The following RGS12 variants were observed in gnomAD, a reference collection of about 807,000 sequenced individuals.
RGS12 encodes the protein regulator of G protein signaling 12, also known as regulator of G-protein signaling 12.
Under a neutral mutation model 120.1 loss-of-function variants are expected in RGS12, and 66 were observed. That is an observed-to-expected ratio of 0.55 (90% CI 0.45 to 0.67). The LOEUF is 0.67. Among genes scored for constraint, RGS12 ranks in the 30% least tolerant of loss-of-function variants. RGS12 has a pLI of 0.00. For missense variants in RGS12, 1,859 were observed against 1,957.7 expected (o/e 0.95, Z 0.95); for synonymous variants, 827 against 804.7 (o/e 1.03, Z -0.47).
intron 2 of RGS12, chr4:3,342,579 G>A: frequency 2.3e-6 from 3 of 1,309,112 alleles, no homozygotes; most frequent in Non-Finnish European, 3.0e-6. Context: ...TACTCTCAGT[G>A]TACTGTGTCC....
chr4:3,320,842 A>G (rs1725130839), intron 2 of RGS12, among the ~76,000 whole-genome samples: 1 of 152,122 alleles, frequency 6.6e-6, no homozygotes, highest in African/African-American at 2.4e-5. Context: ...GGTGGCCGTG[A>G]CCGTCCGCAG....
chr4:3,331,188 A>G (rs1336900136), intron 2 of RGS12, among the ~76,000 whole-genome samples: 1 of 152,202 alleles, frequency 6.6e-6, no homozygotes, highest in Non-Finnish European at 1.5e-5. Context: ...GTTTTGGTGT[A>G]AAAAATTCTA....
chr4:3,430,450 T>C lies in RGS12; in HGVS notation c.3609T>C (p.Asp1203=). The change falls in exon 17 of 18, where the codon GAT becomes GAC. Residue 1203 remains aspartate, a synonymous_variant. Transcript: ENST00000336727. The part of the protein sequence containing the change: ...LISKAQSNRA[D]DQRGLLRKED... ...CCAAAGCTCAGAGCAACAGAGCAGA[T>C]GACCAACGTGGGCTGCTAAGGAAGG... 6.2e-7 allele frequency: 1 copy of C among 1,613,878 alleles called. No homozygotes were observed. The highest frequency in any genetic ancestry group is 8.5e-7 in the Non-Finnish European group (1 of 1,179,984).
rs931286597 is a variant in RGS12, at chr4:3,374,374, C to T, written c.1999-12042C>T. ...AGGCCTAGGCTGGGCGGGGACCGGTCTCCTTCCGCCACCACCTTCCACGAC... is the reference window on the plus strand; with the variant it reads ...AGGCCTAGGCTGGGCGGGGACCGGTTTCCTTCCGCCACCACCTTCCACGAC... On this transcript the variant is annotated intron_variant, in intron 3 of 17. Coordinates refer to ENST00000336727, the MANE Select transcript of RGS12 (RefSeq NM_001394154.1). This position sits in a 1 kb window ranked among gnomAD's most constrained non-coding sequence, Gnocchi z 6.3. 6.6e-6 allele frequency among the ~76,000 whole-genome samples: 1 copy of T among 152,152 alleles called. No individual in the cohort carries two copies. The highest frequency in any genetic ancestry group is 2.4e-5 in the African/African-American group (1 of 41,440).
In RGS12 at chr4:3,439,754, C is replaced by T. The variant is rs897449066; in HGVS notation, c.*70C>T. Reference sequence around the variant, plus strand: ...GGCAGCCCAGGTGGATTCTGTGGGCCTCAGGGGGGCCACCCTGGCCACCAC... The same window carrying T: ...GGCAGCCCAGGTGGATTCTGTGGGCTTCAGGGGGGCCACCCTGGCCACCAC... On this transcript the variant is annotated 3_prime_UTR_variant, in exon 18 of 18. Transcript: ENST00000336727. 7.2e-7 allele frequency: 1 copy of T among 1,380,640 alleles called. No homozygotes were observed. The highest frequency in any genetic ancestry group is 9.6e-7 in the Non-Finnish European group (1 of 1,042,734). The allele number at this position is 1,380,640 out of a possible 1,614,324, so 85.5% of individuals were successfully genotyped here.
At chr4:3,363,849 C>T (rs973989560) in intron 3 of RGS12, among the ~76,000 whole-genome samples, 1 of 151,988 alleles carries the variant, frequency 6.6e-6, no homozygotes, top group African/African-American at 2.4e-5. Flanking sequence ...TACTAGAAAC[C>T]TGAGGGTGGC....
In RGS12 at chr4:3,430,779, C is replaced by T. The variant is rs766129149; in HGVS notation, c.3938C>T (p.Thr1313Ile). 8 of 1,611,308 alleles carry T rather than the reference C, an allele frequency of 5.0e-6. No homozygotes were observed. Among genetic ancestry groups the T allele is most frequent in the Non-Finnish European group, 6.8e-6 (8 of 1,179,180 alleles). Reference sequence around the variant, plus strand: ...CCCGTCTCCCTCGCGCAGGAGGGCACCGCCCAGATCTGGAAGAGGCAGTCT... The same window carrying T: ...CCCGTCTCCCTCGCGCAGGAGGGCATCGCCCAGATCTGGAAGAGGCAGTCT... ...QSPVSLAQEGTAQIWKRQSQE... is the reference protein window; with the variant it reads ...QSPVSLAQEGIAQIWKRQSQE... The change falls in exon 17 of 18, where the codon ACC (threonine) becomes ATC (isoleucine). Residue 1313 changes from threonine (T) to isoleucine (I), a missense_variant. By Grantham distance (89) the Thr-to-Ile change is moderately conservative (BLOSUM62 -1). Transcript: ENST00000336727.
intron 6 of RGS12, among the ~76,000 whole-genome samples, chr4:3,415,751 C>T (rs1489907076): frequency 2.0e-5 from 3 of 152,252 alleles, no homozygotes; most frequent in Admixed American, 6.5e-5. Flanking sequence ...GGGCTAGCAT[C>T]GCCCGGGTCT....
chr4:3,314,376 T>C (rs1431656379), intron 1 of RGS12: 2 of 152,186 alleles, frequency 1.3e-5, no homozygotes, highest in Non-Finnish European at 2.9e-5. Flanking sequence ...TATTAGAAGT[T>C]ATTAACTTTA....
Position 3,374,990 on chromosome 4 carries a change from C to T in RGS12, c.1999-11426C>T, listed in dbSNP as rs1184571861. On this transcript the variant is annotated intron_variant, in intron 3 of 17. Transcript: ENST00000336727. The surrounding 1 kb of genome is among the most constrained non-coding windows in gnomAD (Gnocchi z 6.3). ...AGATGCTTTGCCAAGTGAGTGGGAG[C>T]GTTCTCAGCTTGCGTTTGCCATGCA... is the stretch of plus-strand genomic sequence containing the variant. Among the ~76,000 whole-genome samples the T allele has an allele frequency of 1.3e-5, 2 of 152,142 alleles. No individual in the cohort carries two copies. The highest frequency in any genetic ancestry group is 3.9e-4 in the East Asian group (2 of 5,186).
In RGS12 at chr4:3,366,524, G is replaced by T. The variant is rs923392829; in HGVS notation, c.1999-19892G>T. Among the ~76,000 whole-genome samples, 1 of 152,188 alleles carries T rather than the reference G, an allele frequency of 6.6e-6. No individual in the cohort carries two copies. The highest frequency in any genetic ancestry group is 1.5e-5 in the Non-Finnish European group (1 of 68,032). ...GCACGCCCTCCTAGCTGAGAGTGAG[G>T]TGGTCCGGCCCCGTGAAGGAGGCAG... On this transcript the variant is annotated intron_variant, in intron 3 of 17. Transcript: ENST00000336727. This position sits in a 1 kb window ranked among gnomAD's most constrained non-coding sequence, Gnocchi z 4.0.
At chr4:3,407,549 A>G (rs1266960686) in intron 4 of RGS12, 1 of 152,308 alleles carries the variant, frequency 6.6e-6, no homozygotes, top group African/African-American at 2.4e-5. Context: ...GTGGCATCAC[A>G]GTGGCTCTTA....
intron 3 of RGS12, among the ~76,000 whole-genome samples, chr4:3,362,477 TGTGTATGTGAGG>T (rs1488938047): frequency 8.3e-6 from 1 of 120,166 alleles, no homozygotes; most frequent in African/African-American, 3.1e-5. Flanking sequence ...TGTGAGGGTG[TGTGTATGTGAGG>T]GTGTGTGTGA....
At chr4:3,370,962 C>A (rs995361226) in intron 3 of RGS12, among the ~76,000 whole-genome samples, 1 of 152,168 alleles carries the variant, frequency 6.6e-6, no homozygotes, top group Non-Finnish European at 1.5e-5. Context: ...TTAGTAATTA[C>A]TGGGCACTGA....
Position 3,428,286 on chromosome 4 carries a change from C to T in RGS12, c.3411+117C>T, listed in dbSNP as rs561353666. 9.1e-4 allele frequency: 896 copies of T among 989,246 alleles called. 15 individuals carry two copies. The South Asian group carries it at 9.5e-3, about 10-fold the overall frequency. 61.3% of individuals were successfully genotyped at this position (989,246 alleles called of 1,614,324 possible). A position where few individuals can be genotyped will look rare whatever the true frequency, so the allele number is the denominator to read the frequency against. On this transcript the variant is annotated intron_variant, in intron 15 of 17. Transcript: ENST00000336727. Reference sequence around the variant, plus strand: ...TGCTTATCACTGTGTGTCTCCCCCACGCTCCTTGGCGGGGTCTCTCTCGTC... The same window carrying T: ...TGCTTATCACTGTGTGTCTCCCCCATGCTCCTTGGCGGGGTCTCTCTCGTC...
intron 3 of RGS12, among the ~76,000 whole-genome samples, chr4:3,362,938 GGT>G (rs1246805250): frequency 3.0e-5 from 4 of 133,442 alleles, no homozygotes; most frequent in South Asian, 2.6e-4. Flanking sequence ...AACGCGAAGG[GGT>G]GTGTGTGCAC....
At chr4:3,432,747 G>A (rs1296381480) in intron 17 of RGS12, among the ~76,000 whole-genome samples, 3 of 152,238 alleles carry the variant, frequency 2.0e-5, no homozygotes, top group Non-Finnish European at 2.9e-5. Flanking sequence ...CTGGTTCCCC[G>A]CCCCGCTGGC....
Position 3,316,218 on chromosome 4 carries a change from G to C in RGS12, c.48G>C (p.Ser16=). The part of the protein sequence containing the change: ...EASKRPLPGP[S]PPRVRSVEVA... ...CCAAACGCCCATTGCCTGGGCCGTC[G>C]CCCCCAAGGGTGCGGAGTGTGGAGG... is the stretch of plus-strand genomic sequence containing the variant. Residue 16 remains serine, a synonymous_variant, in exon 2 of 18, where the codon TCG becomes TCC. Coordinates refer to ENST00000336727, the MANE Select transcript of RGS12 (RefSeq NM_001394154.1). 1 of 1,599,238 alleles carries C rather than the reference G, an allele frequency of 6.3e-7. No homozygotes were observed. The highest frequency in any genetic ancestry group is 8.5e-7 in the Non-Finnish European group (1 of 1,171,016).
intron 3 of RGS12, among the ~76,000 whole-genome samples, chr4:3,344,411 G>A (rs1332141394): frequency 6.6e-6 from 1 of 152,148 alleles, no homozygotes; most frequent in Non-Finnish European, 1.5e-5. Flanking sequence ...AGGACCCCGG[G>A]ACCATTTTTG....
Sources: gnomAD v4.1 joint callset for allele counts (sites outside exome capture counted in the v4.1 genomes callset) on GRCh38, gnomAD v4.1.1 for gene constraint, Gnocchi (gnomAD v3.1) non-coding constraint, MANE v1.5 for transcripts, NCBI Gene and HGNC (gene_info 2026-07-23, HGNC 2026-07-21) for gene names.